FOSB: variants seen among roughly 807,000 people sequenced by gnomAD.
FOSB encodes protein FosB.
In FOSB, 8 loss-of-function variants were observed where a neutral mutation model predicts 31.1. The ratio of observed to expected loss-of-function variants is 0.26; its 90% confidence interval spans 0.15 to 0.46. The LOEUF is 0.46. Ranked by LOEUF, FOSB falls within the 20% of genes least tolerant of loss-of-function variation. The probability of loss-of-function intolerance (pLI) is 0.99; values close to 1 mark genes in which losing one functional copy is unlikely to be tolerated. For synonymous variants in FOSB, 214 were observed against 206.1 expected (o/e 1.04, Z -0.33); for missense variants, 376 against 460.6 (o/e 0.82, Z 1.68).
chr19:45,471,522 G>GAGATCTAC, intron 3 of FOSB: 1 of 362,798 alleles, frequency 2.8e-6, no homozygotes, highest in Non-Finnish European at 4.8e-6. Flanking sequence ...TGACCCCACG[G>GAGATCTAC]ACTACTCTCC....
In FOSB at chr19:45,470,914, G is replaced by A; in HGVS notation, c.412G>A (p.Ala138Thr). ...CAGTGGGCCTGGGCCTGCCCGCCCA[G>A]CCCGAGCCCGGCCTAGGAGACCCCG... is the stretch of plus-strand genomic sequence containing the variant. The part of the protein sequence containing the change: ...TTSGPGPARP[A>T]RARPRRPREE... The change falls in exon 2 of 4, where the codon GCC (alanine) becomes ACC (threonine). Residue 138 changes from alanine to threonine, a missense_variant. Ala to Thr is a moderately conservative substitution (Grantham distance 58, BLOSUM62 0). This residue lies in a region of FOSB where 193 missense variants were observed against 207.1 expected (regional missense o/e 0.93). Transcript: ENST00000353609. 2 of 1,613,342 alleles carry A rather than the reference G, an allele frequency of 1.2e-6. No homozygotes were observed. The highest frequency in any genetic ancestry group is 1.7e-6 in the Non-Finnish European group (2 of 1,180,016).
In FOSB at chr19:45,468,502, T is replaced by C; in HGVS notation, c.-85T>C. The C allele has an allele frequency of 1.4e-6, 2 of 1,467,118 alleles. No individual in the cohort carries two copies. The highest frequency in any genetic ancestry group is 1.8e-6 in the Non-Finnish European group (2 of 1,087,756). The allele number at this position is 1,467,118 out of a possible 1,614,324, so 90.9% of individuals were successfully genotyped here. A position where few individuals can be genotyped will look rare whatever the true frequency, so the allele number is the denominator to read the frequency against. ...GGACTCCCACGGCTCACCCCGGACT[T>C]GCACCTTACTTCCCCAACCCGGCCA... is the stretch of plus-strand genomic sequence containing the variant. On this transcript the variant is annotated 5_prime_UTR_variant, in exon 1 of 4. Transcript: ENST00000353609. This position sits in a 1 kb window ranked among gnomAD's most constrained non-coding sequence, Gnocchi z 4.8.
rs1967481746 is a variant in FOSB, at chr19:45,468,032, A to G, written c.-555A>G. 1 of 152,228 alleles carries G rather than the reference A, an allele frequency of 6.6e-6. No individual in the cohort carries two copies. Among genetic ancestry groups the G allele is most frequent in the Admixed American group, 6.5e-5 (1 of 15,268 alleles). 9.4% of individuals were successfully genotyped at this position (152,228 alleles called of 1,614,324 possible). On this transcript the variant is annotated 5_prime_UTR_variant, in exon 1 of 4. Coordinates refer to ENST00000353609, the MANE Select transcript of FOSB (RefSeq NM_006732.3). This position sits in a 1 kb window ranked among gnomAD's most constrained non-coding sequence, Gnocchi z 4.8. ...TCAGAGCTACGGCCACGGCAGGGAC[A>G]CGCGGAACCAAGACTTGGAAACTTG...
chr19:45,473,006 T>C lies in FOSB; in HGVS notation c.1011T>C (p.Ala337=), dbSNP rs1967735861. The C allele has an allele frequency of 6.2e-7, 1 of 1,607,060 alleles. No individual in the cohort carries two copies. The highest frequency in any genetic ancestry group is 1.3e-5 in the African/African-American group (1 of 74,884). Residue 337 remains alanine (A), a synonymous_variant, in exon 4 of 4, where the codon GCT becomes GCC. Transcript: ENST00000353609. The part of the protein sequence containing the change: ...SDPLNSPSLL[A]L ...CCCTGAACTCGCCCTCCCTCCTCGC[T>C]CTGTGAACTCTTTAGACACACAAAA...
chr19:45,470,269 G>T, intron 1 of FOSB: 1 of 277,794 alleles, frequency 3.6e-6, no homozygotes, highest in Non-Finnish European at 6.8e-6. Context: ...GGCTGTGTGT[G>T]TGGCTGTGGC....
chr19:45,468,634 C>A lies in FOSB; in HGVS notation c.48C>A (p.Ser16Arg). The change falls in exon 1 of 4, where the codon AGC (serine) becomes AGA (arginine). Residue 16 changes from serine to arginine, a missense_variant. Coordinates refer to ENST00000353609, the MANE Select transcript of FOSB (RefSeq NM_006732.3). The surrounding 1 kb of genome is among the most constrained non-coding windows in gnomAD (Gnocchi z 4.8). Reference protein sequence around the residue: ...PGDYDSGSRCSSSPSAESQYL... With the variant: ...PGDYDSGSRCRSSPSAESQYL... ...ACTACGACTCCGGCTCCCGGTGCAG[C>A]TCCTCACCCTCTGCCGAGTCTCAAT... is the stretch of plus-strand genomic sequence containing the variant. 6.2e-7 allele frequency: 1 copy of A among 1,613,750 alleles called. No homozygotes were observed. The highest frequency in any genetic ancestry group is 8.5e-7 in the Non-Finnish European group (1 of 1,179,902).
chr19:45,469,197 G>T lies in FOSB; in HGVS notation c.126+485G>T, dbSNP rs189709199. On this transcript the variant is annotated intron_variant, in intron 1 of 3. Coordinates refer to ENST00000353609, the MANE Select transcript of FOSB (RefSeq NM_006732.3). ...GGGGCCTCGAACCCTCAGCCGCGCTGCCTCCGCCTCCTGCGCGGAGACGTA... is the reference window on the plus strand; with the variant it reads ...GGGGCCTCGAACCCTCAGCCGCGCTTCCTCCGCCTCCTGCGCGGAGACGTA... Among the ~76,000 whole-genome samples, 170 of 152,346 alleles carry T rather than the reference G, an allele frequency of 1.1e-3. 1 individual carries two copies. The highest frequency in any genetic ancestry group is 9.6e-4 in the East Asian group (5 of 5,188).
intron 3 of FOSB, chr19:45,471,533 T>G: frequency 7.0e-5 from 22 of 312,568 alleles, no homozygotes; most frequent in East Asian, 1.5e-4. Flanking sequence ...ACTACTCTCC[T>G]AGCCTTCATT....
chr19:45,470,436 C>T (rs889709338), intron 1 of FOSB, 193 bp from the exon 2 acceptor site: 6 of 588,212 alleles, frequency 1.0e-5, no homozygotes, highest in Non-Finnish European at 1.5e-5. Flanking sequence ...GAGCAGAAAT[C>T]CTCTCATTAA....
chr19:45,470,982 A>AG, intron 2 of FOSB, 33 bp downstream of exon 2: 1 of 1,601,838 alleles, frequency 6.2e-7, no homozygotes, highest in East Asian at 2.2e-5. Flanking sequence ...TGGCCTGGGT[A>AG]GGGGGAAGCA....
chr19:45,471,665 C>T (rs1026387481), intron 3 of FOSB: 41 of 191,902 alleles, frequency 2.1e-4, no homozygotes, highest in African/African-American at 9.4e-4. Flanking sequence ...AAACCCTCAT[C>T]AAATCTCCCG....
Position 45,470,954 on chromosome 19 carries a change from G to A in FOSB, c.447+5G>A, listed in dbSNP as rs1200725403. On this transcript the variant is annotated splice_donor_5th_base_variant and intron_variant, in intron 2 of 3. Transcript: ENST00000353609. ...AGGAGACCCCGAGAGGAGACGGTGA[G>A]TAAGGGACATCAGAACTTGGCCTGG... The A allele has an allele frequency of 2.5e-6, 4 of 1,609,948 alleles. No individual in the cohort carries two copies. The highest frequency in any genetic ancestry group is 1.6e-4 in the Middle Eastern group (1 of 6,062).
intron 1 of FOSB, chr19:45,470,210 G>C (rs952904406): frequency 4.7e-6 from 1 of 212,236 alleles, no homozygotes; most frequent in African/African-American, 2.3e-5. Flanking sequence ...TTGGCCTAAG[G>C]CCTCTCCTTC....
Position 45,473,222 on chromosome 19 carries a change from G to A in FOSB, c.*210G>A. On this transcript the variant is annotated 3_prime_UTR_variant, in exon 4 of 4. Transcript: ENST00000353609. The stretch of plus-strand genomic sequence containing the variant: ...GTCCTGCCTCTTGTTTCTGTGCCCC[G>A]GCGAGGCCGGAGAGCTGGTGACTTT... 1.7e-6 allele frequency: 1 copy of A among 575,314 alleles called. No homozygotes were observed. Among genetic ancestry groups the A allele is most frequent in the Non-Finnish European group, 3.0e-6 (1 of 328,298 alleles). 35.6% of individuals were successfully genotyped at this position (575,314 alleles called of 1,614,324 possible).
rs1267780132 is a variant in FOSB, at chr19:45,471,273, G to A, written c.527G>A (p.Arg176Gln). Reference sequence around the variant, plus strand: ...GCAGCAGCTAAATGCAGGAACCGGCGGAGGGAGCTGACCGACCGACTCCAG... The same window carrying A: ...GCAGCAGCTAAATGCAGGAACCGGCAGAGGGAGCTGACCGACCGACTCCAG... ...KLAAAKCRNR[R>Q]RELTDRLQAE... Residue 176 changes from arginine to glutamine, a missense_variant, in exon 3 of 4, where the codon CGG becomes CAG. By Grantham distance (43) the Arg-to-Gln change is conservative (BLOSUM62 1). Around this residue, in one of 3 missense-constraint regions of FOSB, gnomAD observed 35 missense variants for 83.5 expected, o/e 0.42. Transcript: ENST00000353609. The A allele has an allele frequency of 1.3e-6, 2 of 1,566,420 alleles. No individual in the cohort carries two copies. Among genetic ancestry groups the A allele is most frequent in the Admixed American group, 1.9e-5 (1 of 52,996 alleles).
Position 45,470,852 on chromosome 19 carries a change from C to G in FOSB, c.350C>G (p.Ala117Gly). The G allele has an allele frequency of 6.2e-7, 1 of 1,613,960 alleles. No individual in the cohort carries two copies. Among genetic ancestry groups the G allele is most frequent in the South Asian group, 1.1e-5 (1 of 91,070 alleles). ...ATGAGTGGCTACAGCAGTGGCGGAG[C>G]GAGTGGCAGTGGTGGGCCTTCCACC... Reference protein sequence around the residue: ...PGMSGYSSGGASGSGGPSTSG... With the variant: ...PGMSGYSSGGGSGSGGPSTSG... Residue 117 changes from alanine (A) to glycine (G), a missense_variant, in exon 2 of 4, where the codon GCG (alanine) becomes GGG (glycine). By Grantham distance (60) the Ala-to-Gly change is moderately conservative (BLOSUM62 0). Around this residue, in one of 3 missense-constraint regions of FOSB, gnomAD observed 193 missense variants for 207.1 expected, o/e 0.93. Transcript: ENST00000353609.
chr19:45,468,412 G>A lies in FOSB; in HGVS notation c.-175G>A, dbSNP rs1367060145. 6 of 671,754 alleles carry A rather than the reference G, an allele frequency of 8.9e-6. No individual in the cohort carries two copies. The East Asian group carries it at 1.1e-4, about 12-fold the overall frequency. The allele number at this position is 671,754 out of a possible 1,614,324, so 41.6% of individuals were successfully genotyped here. ...ACAGAAACTTTGCCATTGTTGGAAC[G>A]GGACGTTGCTCCTTCCCCGAGCTTC... On this transcript the variant is annotated 5_prime_UTR_variant, in exon 1 of 4. Coordinates refer to ENST00000353609, the MANE Select transcript of FOSB (RefSeq NM_006732.3). This position sits in a 1 kb window ranked among gnomAD's most constrained non-coding sequence, Gnocchi z 4.8.
rs756010568 is a variant in FOSB at position 45,473,015 on chromosome 19, T to A, written c.*3T>A. The A allele has an allele frequency of 4.4e-6, 7 of 1,603,810 alleles. No individual in the cohort carries two copies. Among genetic ancestry groups the A allele is most frequent in the Non-Finnish European group, 5.9e-6 (7 of 1,177,920 alleles). On this transcript the variant is annotated 3_prime_UTR_variant, in exon 4 of 4. Transcript: ENST00000353609. ...CGCCCTCCCTCCTCGCTCTGTGAAC[T>A]CTTTAGACACACAAAACAAACAAAC...
intron 3 of FOSB, 49 bp downstream of exon 3, chr19:45,471,350 T>G (rs1183687666): frequency 1.5e-6 from 2 of 1,299,624 alleles, no homozygotes; most frequent in Admixed American, 4.0e-5. Context: ...GGGAGCTCTC[T>G]CCCCATTCTC....
Sources: allele counts gnomAD v4.1 joint callset (sites outside exome capture counted in the v4.1 genomes callset), GRCh38; gene constraint gnomAD v4.1.1; regional missense constraint gnomAD v4.1.1; non-coding constraint Gnocchi (gnomAD v3.1); transcripts MANE v1.5; gene names NCBI Gene and HGNC (gene_info 2026-07-23, HGNC 2026-07-21).